Variants in PIK3C2B observed in about 807,000 individuals in gnomAD.
PIK3C2B encodes the protein phosphatidylinositol 4-phosphate 3-kinase C2 domain-containing subunit beta.
In PIK3C2B, 83 loss-of-function variants were observed where a neutral mutation model predicts 184.3. The ratio of observed to expected loss-of-function variants is 0.45; its 90% CI spans 0.38 to 0.54. The LOEUF is 0.54. Ranked by LOEUF, PIK3C2B falls within the 20% of genes least tolerant of loss-of-function variation. The probability of loss-of-function intolerance (pLI) is 0.00; values close to 1 mark genes in which losing one functional copy is unlikely to be tolerated. For missense variants in PIK3C2B, 1,736 were observed against 2,113.5 expected, an observed-to-expected ratio of 0.82 and a Z score of 3.50; for synonymous variants, 779 against 837.6, an observed-to-expected ratio of 0.93 and a Z score of 1.21.
At chr1:204,466,935 G>A (rs753695816) in intron 2 of PIK3C2B, 10 of 532,762 alleles carry the variant, frequency 1.9e-5, no homozygotes, top group South Asian at 1.3e-4. Context: ...CTGGAAGCCC[G>A]ACGAAAGCGG....
intron 23 of PIK3C2B, chr1:204,435,567 T>G (rs1675298180): frequency 1.3e-5 from 2 of 152,150 alleles, no homozygotes; most frequent in Non-Finnish European, 2.9e-5. Context: ...TCAATGACCT[T>G]GAGTCCCATA....
intron 8 of PIK3C2B, among the ~76,000 whole-genome samples, 179 bp from the exon 9 acceptor site, chr1:204,458,053 C>T (rs1172796443): frequency 6.6e-6 from 1 of 152,248 alleles, no homozygotes. Flanking sequence ...AATAATCTCT[C>T]CCACTGAATT....
rs889266545 is a variant in PIK3C2B at position 204,424,441 on chromosome 1, C to T, written c.*411G>A. ...TCTGGGGCATAGGTACGTCCCTTCTCGCAAGGCTTCCTGTCCCAGTTAGGA... is the reference window on the plus strand; with the variant it reads ...TCTGGGGCATAGGTACGTCCCTTCTTGCAAGGCTTCCTGTCCCAGTTAGGA... On this transcript the variant is annotated 3_prime_UTR_variant, in exon 33 of 33. Coordinates refer to ENST00000684373, the MANE Select transcript of PIK3C2B (RefSeq NM_001377334.1). The T allele has an allele frequency of 1.5e-5, 5 of 341,798 alleles. No individual in the cohort carries two copies. The highest frequency in any genetic ancestry group is 1.1e-4 in the African/African-American group (5 of 46,686). The allele number at this position is 341,798 out of a possible 1,614,324, so 21.2% of individuals were successfully genotyped here.
At chr1:204,486,416 A>G (rs558988621) in intron 1 of PIK3C2B, among the ~76,000 whole-genome samples, 2 of 146,652 alleles carry the variant, frequency 1.4e-5, no homozygotes, top group African/African-American at 5.0e-5. Flanking sequence ...AAAAAAGAAA[A>G]CAAAACACAA....
chr1:204,439,985 A>T (rs1675556992), intron 22 of PIK3C2B, among the ~76,000 whole-genome samples: 1 of 152,010 alleles, frequency 6.6e-6, no homozygotes, highest in South Asian at 2.1e-4. Flanking sequence ...TCTACACAAT[A>T]TGCTTGGCTG....
At chr1:204,487,211 T>C (rs1461928155) in intron 1 of PIK3C2B, among the ~76,000 whole-genome samples, 2 of 152,158 alleles carry the variant, frequency 1.3e-5, no homozygotes, top group Admixed American at 6.6e-5. Flanking sequence ...GGTCAAGTGA[T>C]CCTCCCACCT....
intron 1 of PIK3C2B, among the ~76,000 whole-genome samples, chr1:204,493,883 C>T (rs1345287246): frequency 6.6e-6 from 1 of 152,186 alleles, no homozygotes; most frequent in Non-Finnish European, 1.5e-5. Flanking sequence ...CCAATTCTAC[C>T]CTCCGCCCGA....
At chr1:204,455,757 C>T (rs547950859) in intron 11 of PIK3C2B, 99 bp downstream of exon 11, 2 of 962,772 alleles carry the variant, frequency 2.1e-6, no homozygotes, top group East Asian at 5.3e-5. Context: ...GCCACACATC[C>T]TAAGACTTAG....
intron 1 of PIK3C2B, among the ~76,000 whole-genome samples, chr1:204,484,238 C>A (rs1657413197): frequency 6.6e-6 from 1 of 152,064 alleles, no homozygotes; most frequent in South Asian, 2.1e-4. Context: ...TTAGTCCTCA[C>A]AACAATCCTT....
At chr1:204,488,376 T>C (rs1001107761) in intron 1 of PIK3C2B, among the ~76,000 whole-genome samples, 3 of 152,250 alleles carry the variant, frequency 2.0e-5, no homozygotes, top group African/African-American at 4.8e-5. Context: ...TCTCAAACTT[T>C]CCTTGCATTC....
At chr1:204,453,957 T>C (rs996276018) in intron 12 of PIK3C2B, among the ~76,000 whole-genome samples, 5 of 151,766 alleles carry the variant, frequency 3.3e-5, no homozygotes, top group African/African-American at 1.2e-4. Flanking sequence ...TTTTTTTTAG[T>C]AGAGACGAGG....
chr1:204,461,359 C>T (rs1036041062), intron 5 of PIK3C2B, among the ~76,000 whole-genome samples: 9 of 152,334 alleles, frequency 5.9e-5, no homozygotes, highest in African/African-American at 2.2e-4. Context: ...CTCGGCGATC[C>T]AACCTCTTCC....
At chr1:204,487,839 T>G (rs1439816751) in intron 1 of PIK3C2B, among the ~76,000 whole-genome samples, 1 of 152,100 alleles carries the variant, frequency 6.6e-6, no homozygotes, top group Non-Finnish European at 1.5e-5. Context: ...ACTCATCCAT[T>G]TACCTGCATT....
At chr1:204,451,729 T>C (rs1480299277) in intron 12 of PIK3C2B, among the ~76,000 whole-genome samples, 2 of 152,252 alleles carry the variant, frequency 1.3e-5, no homozygotes, top group Non-Finnish European at 2.9e-5. Flanking sequence ...TATGTGATGC[T>C]GTGGTTACTG....
intron 1 of PIK3C2B, among the ~76,000 whole-genome samples, chr1:204,473,230 C>T (rs1656438231): frequency 6.6e-6 from 1 of 152,216 alleles, no homozygotes; most frequent in Admixed American, 6.5e-5. Context: ...GGTATAGGCA[C>T]AGGACCCTGG....
chr1:204,426,315 G>A (rs746649731), intron 31 of PIK3C2B, among the ~76,000 whole-genome samples: 11 of 152,168 alleles, frequency 7.2e-5, no homozygotes, highest in African/African-American at 1.9e-4. Context: ...CACTCCTCTC[G>A]ACTTTGCTCC....
chr1:204,472,452 C>T (rs1024237845), intron 1 of PIK3C2B, among the ~76,000 whole-genome samples: 4 of 151,600 alleles, frequency 2.6e-5, no homozygotes, highest in East Asian at 2.0e-4. Context: ...CGTGAGCCAC[C>T]GCACCCGGCC....
At chr1:204,458,153 T>C (rs1484073111) in intron 8 of PIK3C2B, among the ~76,000 whole-genome samples, 1 of 152,220 alleles carries the variant, frequency 6.6e-6, no homozygotes, top group Non-Finnish European at 1.5e-5. Flanking sequence ...TTAGTCTACT[T>C]ATACTATACA....
At chr1:204,439,111 T>C (rs745676160) in intron 22 of PIK3C2B, 40 bp from the exon 23 acceptor site, 4 of 1,603,756 alleles carry the variant, frequency 2.5e-6, no homozygotes, top group Non-Finnish European at 2.6e-6. Flanking sequence ...CAGACCAGAA[T>C]GAAGGGGACT....
Sources: gnomAD v4.1 joint callset for allele counts (sites outside exome capture counted in the v4.1 genomes callset) on GRCh38, gnomAD v4.1.1 for gene constraint, MANE v1.5 for transcripts, NCBI Gene and HGNC (gene_info 2026-07-23, HGNC 2026-07-21) for gene names.